CTSF: variants seen among roughly 807,000 people sequenced by gnomAD.
CTSF encodes cathepsin F.
A neutral mutation model predicts 63.5 loss-of-function variants in CTSF; 65 were observed. The observed-to-expected ratio is 1.02, with a 90% CI of 0.84 to 1.26. The LOEUF is 1.26. Ranked by LOEUF, CTSF falls within the 50% of genes most tolerant of loss-of-function variation. CTSF has a pLI of 0.00. For synonymous variants in CTSF, 256 were observed against 258.1 expected, an observed-to-expected ratio of 0.99 and a Z score of 0.08; for missense variants, 641 against 631.0, an observed-to-expected ratio of 1.02 and a Z score of -0.17.
rs1857915171 is a variant in CTSF at position 66,565,771 on chromosome 11, T to A, written c.965-20A>T. ...AGAGCTCTAGGAGACAGAAGGCTGG[T>A]CCCAAGAAGCCCTCCTGAGGGGCTA... On this transcript the variant is annotated intron_variant, in intron 7 of 12. Transcript: ENST00000310325. 1 of 1,613,736 alleles carries A rather than the reference T, an allele frequency of 6.2e-7. No homozygotes were observed. Among genetic ancestry groups the A allele is most frequent in the African/African-American group, 1.3e-5 (1 of 74,908 alleles).
In CTSF at chr11:66,565,049, T is replaced by C. The variant is rs1565312129; in HGVS notation, c.1046-43A>G. 6 of 1,518,070 alleles carry C rather than the reference T, an allele frequency of 4.0e-6. No individual in the cohort carries two copies. In the South Asian group the frequency reaches 6.6e-5, roughly 17 times the overall value. The allele number at this position is 1,518,070 out of a possible 1,614,324, so 94.0% of individuals were successfully genotyped here. A position where few individuals can be genotyped will look rare whatever the true frequency, so the allele number is the denominator to read the frequency against. ...TGAGTAGAGAAGGGCAGGCTCCCAT[T>C]TGCCATTCACAGCCAGAAATGAACT... On this transcript the variant is annotated intron_variant, in intron 8 of 12. Coordinates refer to ENST00000310325, the MANE Select transcript of CTSF (RefSeq NM_003793.4).
Position 66,563,892 on chromosome 11 carries a change from C to G in CTSF, c.*41G>C, listed in dbSNP as rs778286475. 1 of 1,609,838 alleles carries G rather than the reference C, an allele frequency of 6.2e-7. No individual in the cohort carries two copies. Among genetic ancestry groups the G allele is most frequent in the Non-Finnish European group, 8.5e-7 (1 of 1,179,060 alleles). On this transcript the variant is annotated 3_prime_UTR_variant, in exon 13 of 13. Coordinates refer to ENST00000310325, the MANE Select transcript of CTSF (RefSeq NM_003793.4). ...GACACATGTCAGGCTGGGGCAGCAG[C>G]CACTCTGATCAGCACCAGGTCCCGA...
chr11:66,564,233 C>T, intron 11 of CTSF, 87 bp from the exon 12 acceptor site: 2 of 1,455,924 alleles, frequency 1.4e-6, no homozygotes, highest in Non-Finnish European at 1.9e-6. Flanking sequence ...AATACTTGCA[C>T]TGGGCCTACT....
rs749889136 is a variant in CTSF at position 66,567,462 on chromosome 11, A to C, written c.513T>G (p.Asn171Lys). 21 of 1,614,054 alleles carry C rather than the reference A, an allele frequency of 1.3e-5. No homozygotes were observed. The African/African-American group carries it at 2.4e-4, about 18-fold the overall frequency. Residue 171 changes from asparagine (N) to lysine (K), a missense_variant, in exon 3 of 13, where the codon AAT becomes AAG. Asn to Lys is a moderately conservative substitution (Grantham distance 94). Transcript: ENST00000310325. ...ETFSSVISLL[N>K]EDPLSQDLPV... is the part of the protein sequence containing the mutation. The stretch of plus-strand genomic sequence containing the variant: ...TCCTCACCTGGGACAGGGGATCCTC[A>C]TTCAACAGGGAAATGACTGAGCTGA...
At chr11:66,567,871 C>T in intron 2 of CTSF, 113 bp downstream of exon 2, 1 of 1,435,958 alleles carries the variant, frequency 7.0e-7, no homozygotes, top group Non-Finnish European at 9.4e-7. Flanking sequence ...GGAAGTGGCT[C>T]AAGGTGGGGC....
At position 66,563,698 on chromosome 11, in the gene CTSF, C is replaced by A. The variant is rs13897; in HGVS notation, c.*235G>T. 1.5e-5 allele frequency: 9 copies of A among 602,824 alleles called. No homozygotes were observed. Among genetic ancestry groups the A allele is most frequent in the East Asian group, 1.4e-4 (5 of 36,128 alleles). The allele number at this position is 602,824 out of a possible 1,614,324, so 37.3% of individuals were successfully genotyped here. On this transcript the variant is annotated 3_prime_UTR_variant, in exon 13 of 13. Transcript: ENST00000310325. Reference sequence around the variant, plus strand: ...ACTGCCAAGATACCACCCTTCACCCCGACATCCTCCTAAGCTACCACAATT... The same window carrying A: ...ACTGCCAAGATACCACCCTTCACCCAGACATCCTCCTAAGCTACCACAATT...
Position 66,566,398 on chromosome 11 carries a change from C to T in CTSF, c.614G>A (p.Arg205Gln), listed in dbSNP as rs142782021. The change falls in exon 5 of 13, where the codon CGG becomes CAG. Residue 205 changes from arginine to glutamine, a missense_variant. Coordinates refer to ENST00000310325, the MANE Select transcript of CTSF (RefSeq NM_003793.4). ...NRTYESKEEARWRLSVFVNNM... is the reference protein window; with the variant it reads ...NRTYESKEEAQWRLSVFVNNM... ...ATTGACAAAGACGGACAGGCGCCAC[C>T]GGGCTTCTGAGGACCAAGGAGCAGA... 6.6e-5 allele frequency: 106 copies of T among 1,613,942 alleles called. 1 individual carries two copies. In the Admixed American group the frequency reaches 7.0e-4, roughly 11 times the overall value.
At position 66,568,028 on chromosome 11, in the gene CTSF, T is replaced by G. The variant is rs1040476371; in HGVS notation, c.268A>C (p.Asn90His). 12 of 1,603,270 alleles carry G rather than the reference T, an allele frequency of 7.5e-6. No homozygotes were observed. The highest frequency in any genetic ancestry group is 2.7e-5 in the African/African-American group (2 of 74,062). Residue 90 changes from asparagine to histidine, a missense_variant, in exon 2 of 13, where the codon AAC (asparagine) becomes CAC (histidine). Coordinates refer to ENST00000310325, the MANE Select transcript of CTSF (RefSeq NM_003793.4). ...GGGAGCCGGCACACCATGGGGTCGT[T>G]GCAGGGTGGCTCCTCCAGGGTGGCC... ...LEATLEEPPC[N>H]DPMVCRLPVS...
rs772656687 is a variant in CTSF, at chr11:66,568,281, A to ACGCGGC, written c.200_205dup (p.Gly67_Arg68dup). On this transcript the variant is annotated inframe_insertion, in exon 1 of 13. Coordinates refer to ENST00000310325, the MANE Select transcript of CTSF (RefSeq NM_003793.4). ...CCCCCGGCGCGTCCTCACCCGGCGGACGCGGCCGCGCACAAGGCCCAGCAC... is the reference window on the plus strand; with the variant it reads ...CCCCCGGCGCGTCCTCACCCGGCGGACGCGGCCGCGGCCGCGCACAAGGCCCAGCAC... 5.8e-4 allele frequency: 869 copies of ACGCGGC among 1,497,522 alleles called. 2 individuals are homozygous for ACGCGGC. Among genetic ancestry groups the ACGCGGC allele is most frequent in the South Asian group, 4.8e-3 (392 of 81,070 alleles). 92.8% of individuals were successfully genotyped at this position (1,497,522 alleles called of 1,614,324 possible).
In CTSF at chr11:66,566,385, G is replaced by T; in HGVS notation, c.627C>A (p.Ser209=). 6.2e-7 allele frequency: 1 copy of T among 1,613,960 alleles called. No individual in the cohort carries two copies. The highest frequency in any genetic ancestry group is 8.5e-7 in the Non-Finnish European group (1 of 1,179,998). Residue 209 remains serine, a synonymous_variant, in exon 5 of 13, where the codon TCC becomes TCA. Transcript: ENST00000310325. ...ESKEEARWRL[S]VFVNNMVRAQ... ...CTCGCACCATGTTATTGACAAAGAC[G>T]GACAGGCGCCACCGGGCTTCTGAGG...
chr11:66,563,590 G>T lies in CTSF; in HGVS notation c.*343C>A. The T allele has an allele frequency of 2.0e-6, 1 of 490,338 alleles. No homozygotes were observed. The highest frequency in any genetic ancestry group is 3.2e-5 in the East Asian group (1 of 31,004). 30.4% of individuals were successfully genotyped at this position (490,338 alleles called of 1,614,324 possible). On this transcript the variant is annotated 3_prime_UTR_variant, in exon 13 of 13. Transcript: ENST00000310325. ...TTTATAGTATCAAACAGAGGAAAGCGGGGGCAGAACAGAGCTGGGCTTAAG... is the reference window on the plus strand; with the variant it reads ...TTTATAGTATCAAACAGAGGAAAGCTGGGGCAGAACAGAGCTGGGCTTAAG...
chr11:66,568,173 G>C, intron 1 of CTSF, 91 bp from the exon 2 acceptor site: 1 of 1,548,068 alleles, frequency 6.5e-7, no homozygotes, highest in Non-Finnish European at 8.7e-7. Context: ...CCCATCACCA[G>C]AGATCGGTTC....
Position 66,568,036 on chromosome 11 carries a change from G to A in CTSF, c.260C>T (p.Pro87Leu). ...GCACACCATGGGGTCGTTGCAGGGT[G>A]GCTCCTCCAGGGTGGCCTCCAGGGA... ...LYSLEATLEE[P>L]PCNDPMVCRL... is the part of the protein sequence containing the mutation. The change falls in exon 2 of 13, where the codon CCA becomes CTA. Residue 87 changes from proline to leucine, a missense_variant. Transcript: ENST00000310325. 1 of 1,603,290 alleles carries A rather than the reference G, an allele frequency of 6.2e-7. No individual in the cohort carries two copies. Among genetic ancestry groups the A allele is most frequent in the Non-Finnish European group, 8.5e-7 (1 of 1,175,950 alleles).
Position 66,568,520 on chromosome 11 carries a change from G to C in CTSF, c.-34C>G. On this transcript the variant is annotated 5_prime_UTR_variant, in exon 1 of 13. Coordinates refer to ENST00000310325, the MANE Select transcript of CTSF (RefSeq NM_003793.4). Reference sequence around the variant, plus strand: ...CGAAGCCGGCGGCCCGGACCCAACAGACGCTCCACCGACCCACCGGGTACC... The same window carrying C: ...CGAAGCCGGCGGCCCGGACCCAACACACGCTCCACCGACCCACCGGGTACC... 6.7e-7 allele frequency: 1 copy of C among 1,482,500 alleles called. No homozygotes were observed. Among genetic ancestry groups the C allele is most frequent in the South Asian group, 1.3e-5 (1 of 79,418 alleles). 91.8% of individuals were successfully genotyped at this position (1,482,500 alleles called of 1,614,324 possible).
intron 2 of CTSF, 90 bp downstream of exon 2, chr11:66,567,894 A>G: frequency 6.7e-7 from 1 of 1,484,232 alleles, no homozygotes; most frequent in Admixed American, 2.2e-5. Flanking sequence ...CAGCTACCTC[A>G]GATCCCTGCG....
At chr11:66,567,214 AG>A (rs760011312) in intron 4 of CTSF, 31 bp downstream of exon 4, 12 of 1,603,394 alleles carry the variant, frequency 7.5e-6, no homozygotes, top group Non-Finnish European at 1.0e-5. Flanking sequence ...CTGTTCTGAT[AG>A]GAACAGGTAC....
chr11:66,564,374 C>A (rs892029588), intron 11 of CTSF, 184 bp downstream of exon 11: 3 of 765,442 alleles, frequency 3.9e-6, no homozygotes, highest in Non-Finnish European at 6.2e-6. Context: ...AATATTTACC[C>A]TCCCACAGCT....
At position 66,565,897 on chromosome 11, in the gene CTSF, C is replaced by A. The variant is rs776587445; in HGVS notation, c.898G>T (p.Val300Phe). 1 of 1,614,050 alleles carries A rather than the reference C, an allele frequency of 6.2e-7. No individual in the cohort carries two copies. Among genetic ancestry groups the A allele is most frequent in the Non-Finnish European group, 8.5e-7 (1 of 1,180,028 alleles). ...GMCGSCWAFS[V>F]TGNVEGQWFL... ...CACTGGCCCTCCACATTGCCTGTGA[C>A]TGAGAAGGCCCAGCAGGAGCCACAC... Residue 300 changes from valine (V) to phenylalanine (F), a missense_variant, in exon 7 of 13, where the codon GTC (valine) becomes TTC (phenylalanine). Transcript: ENST00000310325.
chr11:66,567,711 G>T, intron 2 of CTSF, 49 bp from the exon 3 acceptor site: 1 of 1,580,064 alleles, frequency 6.3e-7, no homozygotes, highest in Non-Finnish European at 8.6e-7. Context: ...CTGGATCTGG[G>T]GAGCAAGATC....
Sources: allele counts gnomAD v4.1 joint callset, GRCh38; gene constraint gnomAD v4.1.1; transcripts MANE v1.5; gene names NCBI Gene and HGNC (gene_info 2026-07-23, HGNC 2026-07-21).